Variants in LRRC53 observed in about 807,000 individuals in gnomAD.
LRRC53 encodes leucine rich repeat containing 53, also known as leucine-rich repeat-containing protein 53.
In LRRC53, 25 loss-of-function variants were observed where a neutral mutation model predicts 13.6. The observed-to-expected ratio is 1.83, with a 90% confidence interval of 1.34 to 2.56. The LOEUF (loss-of-function observed/expected upper bound fraction) is 2.56. LRRC53 is among the 30% of genes most tolerant of loss of function. The pLI is 0.00. For missense variants in LRRC53, 527 were observed against 275.8 expected, an observed-to-expected ratio of 1.91 and a Z score of -6.45; for synonymous variants, 204 against 109.8, an observed-to-expected ratio of 1.86 and a Z score of -5.37.
At position 74,509,195 on chromosome 1, in the gene LRRC53, C is replaced by G. The variant is rs1189635272; in HGVS notation, c.-27+3331G>C. ...CACAGCTTTTCCTTACTTATTTACA[C>G]TACTTGATTGTCAAATTTGACAGTG... On this transcript the variant is annotated intron_variant, in intron 1 of 4. Transcript: ENST00000294635. Among the ~76,000 whole-genome samples the G allele has an allele frequency of 3.3e-5, 5 of 152,200 alleles. No individual in the cohort carries two copies. The South Asian group carries it at 8.3e-4, about 25-fold the overall frequency.
chr1:74,489,804 C>A (rs914428156), intron 1 of LRRC53, among the ~76,000 whole-genome samples: 1 of 151,990 alleles, frequency 6.6e-6, no homozygotes, highest in Admixed American at 6.5e-5. Context: ...TTTCTACACA[C>A]CTGGTCAAGA....
chr1:74,491,653 T>G (rs1425038888), intron 1 of LRRC53, among the ~76,000 whole-genome samples: 1 of 152,198 alleles, frequency 6.6e-6, no homozygotes, highest in Non-Finnish European at 1.5e-5. Context: ...CTTATAAAAT[T>G]GATGTATTCT....
rs575937260 is a variant in LRRC53, at chr1:74,474,364, G to A, written c.1420+931C>T. On this transcript the variant is annotated intron_variant, in intron 4 of 4. Transcript: ENST00000294635. ...TGAAATCATCAACCCCCAGACACTG[G>A]TAAGAACTGGAGTGTGGGAATGCAA... is the stretch of plus-strand genomic sequence containing the variant. 3.9e-5 allele frequency among the ~76,000 whole-genome samples: 6 copies of A among 152,208 alleles called. No homozygotes were observed. In the South Asian group the frequency reaches 1.2e-3, roughly 32 times the overall value.
intron 1 of LRRC53, among the ~76,000 whole-genome samples, chr1:74,495,939 A>C (rs1669304502): frequency 6.6e-6 from 1 of 152,172 alleles, no homozygotes; most frequent in Non-Finnish European, 1.5e-5. Context: ...GTTTAAAGTC[A>C]GAGAGCCCAA....
intron 2 of LRRC53, among the ~76,000 whole-genome samples, chr1:74,481,772 T>A (rs1324939313): frequency 3.3e-5 from 5 of 152,082 alleles, no homozygotes; most frequent in African/African-American, 4.8e-5. Flanking sequence ...TAATCAGGAG[T>A]CATTGTAACA....
At chr1:74,485,687 T>G (rs992967776) in intron 1 of LRRC53, among the ~76,000 whole-genome samples, 1 of 152,160 alleles carries the variant, frequency 6.6e-6, no homozygotes, top group African/African-American at 2.4e-5. Flanking sequence ...AAAAGCAGAA[T>G]AAGTTTTACA....
intron 1 of LRRC53, among the ~76,000 whole-genome samples, chr1:74,508,586 G>T (rs140304548): frequency 9.3e-4 from 142 of 152,316 alleles, no homozygotes; most frequent in Non-Finnish European, 1.5e-3. Flanking sequence ...GAGGCAGACT[G>T]CATTCAGAGG....
intron 1 of LRRC53, among the ~76,000 whole-genome samples, chr1:74,506,490 T>C (rs180780136): frequency 3.3e-5 from 5 of 152,324 alleles, no homozygotes; most frequent in Non-Finnish European, 7.4e-5. Context: ...GCTGCTCTCA[T>C]ACTAATCAGT....
At chr1:74,476,427 T>C (rs1668211950) in intron 3 of LRRC53, among the ~76,000 whole-genome samples, 1 of 152,154 alleles carries the variant, frequency 6.6e-6, no homozygotes, top group South Asian at 2.1e-4. Context: ...AGGTGTATTA[T>C]TCTGTTTATT....
At chr1:74,530,136 G>A in the LRRC53 span, among the ~76,000 whole-genome samples, 2 of 152,080 alleles carry the variant, frequency 1.3e-5, no homozygotes, top group Non-Finnish European at 2.9e-5. Flanking sequence ...GCCGTTAGGT[G>A]TCTACGTTTC....
At chr1:74,496,720 A>T (rs748829013) in intron 1 of LRRC53, among the ~76,000 whole-genome samples, 1 of 152,200 alleles carries the variant, frequency 6.6e-6, no homozygotes, top group African/African-American at 2.4e-5. Context: ...ACTTGATAAA[A>T]TCTGAGATTG....
upstream of LRRC53, among the ~76,000 whole-genome samples, chr1:74,513,007 A>T (rs537700514): frequency 1.3e-5 from 2 of 152,296 alleles, no homozygotes; most frequent in South Asian, 2.1e-4. Flanking sequence ...TCTTGATAAG[A>T]CACTTAAAGA....
chr1:74,536,240 C>T, the LRRC53 span, among the ~76,000 whole-genome samples: 2 of 152,208 alleles, frequency 1.3e-5, no homozygotes, highest in Admixed American at 1.3e-4. Flanking sequence ...CATGTCTTTA[C>T]CTAGGGTGCA....
At chr1:74,478,422 A>T (rs976003698) in intron 3 of LRRC53, among the ~76,000 whole-genome samples, 18 of 152,226 alleles carry the variant, frequency 1.2e-4, no homozygotes, top group African/African-American at 4.3e-4. Context: ...CTAATAAAGA[A>T]CTGTTAATGT....
chr1:74,516,916 A>C (rs1247178212), upstream of LRRC53, among the ~76,000 whole-genome samples: 1 of 152,220 alleles, frequency 6.6e-6, no homozygotes, highest in African/African-American at 2.4e-5. Context: ...ACTACATGAT[A>C]GACAGTATTT....
intron 4 of LRRC53, among the ~76,000 whole-genome samples, chr1:74,473,004 T>C (rs1668012059): frequency 6.6e-6 from 1 of 152,134 alleles, no homozygotes; most frequent in South Asian, 2.1e-4. Context: ...ACAGACCATA[T>C]CTACAGCCCT....
At chr1:74,503,494 T>A (rs1356421235) in intron 1 of LRRC53, among the ~76,000 whole-genome samples, 2 of 152,228 alleles carry the variant, frequency 1.3e-5, no homozygotes, top group Non-Finnish European at 2.9e-5. Context: ...TCTTTCTTAC[T>A]CAGTGACACT....
chr1:74,489,530 A>C (rs1668942767), intron 1 of LRRC53, among the ~76,000 whole-genome samples: 1 of 152,254 alleles, frequency 6.6e-6, no homozygotes, highest in South Asian at 2.1e-4. Flanking sequence ...AAAATTGGAA[A>C]GTATAACAAA....
the LRRC53 span, among the ~76,000 whole-genome samples, chr1:74,534,931 G>A: frequency 1.3e-5 from 2 of 152,084 alleles, no homozygotes; most frequent in African/African-American, 2.4e-5. Context: ...CATATAGCAC[G>A]TTTCAGTTAC....
Sources: allele counts gnomAD v4.1 joint callset (sites outside exome capture counted in the v4.1 genomes callset), GRCh38; gene constraint gnomAD v4.1.1; transcripts MANE v1.5; gene names NCBI Gene and HGNC (gene_info 2026-07-23, HGNC 2026-07-21).